Variants in PCDHGB2 observed in about 807,000 individuals in gnomAD.
PCDHGB2 encodes the protein protocadherin gamma-B2.
In PCDHGB2, 55 loss-of-function variants were observed where a neutral mutation model predicts 59.3. The observed-to-expected ratio is 0.93, with a 90% CI of 0.75 to 1.16. The LOEUF is 1.16. Ranked by LOEUF, PCDHGB2 falls within the 50% of genes most tolerant of loss-of-function variation. The probability of loss-of-function intolerance (pLI) is 0.00; values close to 1 mark genes in which losing one functional copy is unlikely to be tolerated. For missense variants in PCDHGB2, 1,228 were observed against 1,198.5 expected, an observed-to-expected ratio of 1.02 and a Z score of -0.36; for synonymous variants, 516 against 512.0, an observed-to-expected ratio of 1.01 and a Z score of -0.11.
chr5:141,419,763 A>T, intron 1 of PCDHGB2: 1 of 1,614,014 alleles, frequency 6.2e-7, no homozygotes, highest in South Asian at 1.1e-5. Flanking sequence ...TTGGGTGACA[A>T]GGACTCGGTC....
chr5:141,366,264 C>T, intron 1 of PCDHGB2: 1 of 1,613,686 alleles, frequency 6.2e-7, no homozygotes, highest in East Asian at 2.2e-5. Flanking sequence ...CTCGTGGTGG[C>T]CGTCGAAGAC....
chr5:141,398,989 T>A lies in PCDHGB2; in HGVS notation c.2421+36433T>A, dbSNP rs766277028. 153 of 1,613,914 alleles carry A rather than the reference T, an allele frequency of 9.5e-5. No individual in the cohort carries two copies. The Middle Eastern group carries it at 3.6e-3, about 38-fold the overall frequency. ...TTCCTTCTACAGAACCGGGCAAATC[T>A]TTAGTCTGAATTCAAAGAGCGGAGA... is the stretch of plus-strand genomic sequence containing the variant. On this transcript the variant is annotated intron_variant, in intron 1 of 3. Coordinates refer to ENST00000522605, the MANE Select transcript of PCDHGB2 (RefSeq NM_018923.3).
At chr5:141,382,093 T>C (rs1420552886) in intron 1 of PCDHGB2, among the ~76,000 whole-genome samples, 1 of 152,090 alleles carries the variant, frequency 6.6e-6, no homozygotes, top group Non-Finnish European at 1.5e-5. Context: ...CCTCACAAAG[T>C]GTGGGATTAC....
Position 141,432,485 on chromosome 5 carries a change from G to C in PCDHGB2, c.2422-62322G>C. 6.2e-7 allele frequency: 1 copy of C among 1,614,186 alleles called. No individual in the cohort carries two copies. The highest frequency in any genetic ancestry group is 8.5e-7 in the Non-Finnish European group (1 of 1,180,040). On this transcript the variant is annotated intron_variant, in intron 1 of 3. Coordinates refer to ENST00000522605, the MANE Select transcript of PCDHGB2 (RefSeq NM_018923.3). The surrounding 1 kb of genome is among the most constrained non-coding windows in gnomAD (Gnocchi z 6.0). ...CCCCACGGACGGTTCCACTGGCGTG[G>C]AGCTGGCTCCCCGCTCCGCAGAGCC...
At chr5:141,447,884 G>A (rs1324802340) in intron 1 of PCDHGB2, among the ~76,000 whole-genome samples, 1 of 152,024 alleles carries the variant, frequency 6.6e-6, no homozygotes, top group Non-Finnish European at 1.5e-5. Context: ...TCAGGAGTTC[G>A]AGACCAGCCT....
chr5:141,375,579 C>T (rs754106042), intron 1 of PCDHGB2: 6 of 1,613,996 alleles, frequency 3.7e-6, no homozygotes, highest in African/African-American at 2.7e-5. Context: ...CTCCAGGGGG[C>T]GCCCCTGTCC....
chr5:141,415,853 G>GTAGTT, intron 1 of PCDHGB2: 1 of 1,186,350 alleles, frequency 8.4e-7, no homozygotes, highest in Non-Finnish European at 1.1e-6. Context: ...GCAGAACCTT[G>GTAGTT]TAGTTTATAG....
rs564367150 is a variant in PCDHGB2 at position 141,464,990 on chromosome 5, C to T, written c.2422-29817C>T. Among the ~76,000 whole-genome samples, 147 of 152,192 alleles carry T rather than the reference C, an allele frequency of 9.7e-4. 1 individual carries two copies. Among genetic ancestry groups the T allele is most frequent in the African/African-American group, 3.5e-3 (144 of 41,536 alleles). On this transcript the variant is annotated intron_variant, in intron 1 of 3. Transcript: ENST00000522605. ...CTACTGGCTTCAAGTGATCCTCCCA[C>T]CTCAGCCTCCCAAAGTGCTAAGATT...
intron 1 of PCDHGB2, chr5:141,388,301 G>C (rs1323976869): frequency 6.2e-7 from 1 of 1,613,606 alleles, no homozygotes; most frequent in African/African-American, 1.3e-5. Context: ...ATTCCTTTGA[G>C]CTGCAAATAA....
At position 141,476,455 on chromosome 5, in the gene PCDHGB2, G is replaced by A. The variant is rs572682842; in HGVS notation, c.2422-18352G>A. The A allele has an allele frequency of 1.2e-6, 2 of 1,614,034 alleles. No individual in the cohort carries two copies. The highest frequency in any genetic ancestry group is 2.2e-5 in the South Asian group (2 of 91,084). ...CTGTAACTCTGGAGTTGGTAGTGGA[G>A]AACCCGCTGGAGCTGTTCAGCGTGG... On this transcript the variant is annotated intron_variant, in intron 1 of 3. Coordinates refer to ENST00000522605, the MANE Select transcript of PCDHGB2 (RefSeq NM_018923.3). This position sits in a 1 kb window ranked among gnomAD's most constrained non-coding sequence, Gnocchi z 7.6.
intron 3 of PCDHGB2, among the ~76,000 whole-genome samples, chr5:141,510,657 G>A (rs1388054630): frequency 6.6e-6 from 1 of 152,156 alleles, no homozygotes; most frequent in Non-Finnish European, 1.5e-5. Context: ...CCATTTTGCA[G>A]ATGAGAAAAC....
chr5:141,479,625 T>C (rs2099501262), intron 1 of PCDHGB2: 1 of 152,228 alleles, frequency 6.6e-6, no homozygotes, highest in Non-Finnish European at 1.5e-5. Flanking sequence ...ACCATGTCTC[T>C]TTAACAATAA....
rs756330109 is a variant in PCDHGB2, at chr5:141,432,621, T to A, written c.2422-62186T>A. ...GAGCCGGGACTCTTCTCGGTGGGTC[T>A]GCACACGGGCGAGGTGCGCACGGCG... On this transcript the variant is annotated intron_variant, in intron 1 of 3. Transcript: ENST00000522605. This position sits in a 1 kb window ranked among gnomAD's most constrained non-coding sequence, Gnocchi z 6.0. The A allele has an allele frequency of 3.1e-6, 5 of 1,612,942 alleles. No homozygotes were observed. Among genetic ancestry groups the A allele is most frequent in the Admixed American group, 1.7e-5 (1 of 59,962 alleles).
chr5:141,365,941 T>C (rs1175439180), intron 1 of PCDHGB2: 15 of 1,614,152 alleles, frequency 9.3e-6, no homozygotes, highest in Non-Finnish European at 1.2e-5. Context: ...CCAGCGACAG[T>C]GGGAACCCTC....
chr5:141,399,332 C>T (rs2093787388), intron 1 of PCDHGB2: 1 of 1,613,994 alleles, frequency 6.2e-7, no homozygotes, highest in Non-Finnish European at 8.5e-7. Flanking sequence ...AAGTTGGTAA[C>T]AGATGGAACC....
At chr5:141,484,672 A>G (rs1253641119) in intron 1 of PCDHGB2, among the ~76,000 whole-genome samples, 1 of 151,990 alleles carries the variant, frequency 6.6e-6, no homozygotes, top group African/African-American at 2.4e-5. Flanking sequence ...AGTGGGCCGC[A>G]GGTTGCTAGG....
intron 1 of PCDHGB2, among the ~76,000 whole-genome samples, chr5:141,449,630 T>C (rs1006977026): frequency 6.7e-6 from 1 of 150,024 alleles, no homozygotes; most frequent in South Asian, 2.1e-4. Flanking sequence ...TTTAAAAAGA[T>C]GTATCTATAT....
chr5:141,454,232 G>T (rs2098784520), intron 1 of PCDHGB2, among the ~76,000 whole-genome samples: 1 of 152,146 alleles, frequency 6.6e-6, no homozygotes, highest in African/African-American at 2.4e-5. Context: ...TAATTGTGAT[G>T]AAAAGGATGA....
In PCDHGB2 at chr5:141,454,796, A is replaced by ATTTTTT. The variant is rs61612330; in HGVS notation, c.2422-39987_2422-39982dup. Among the ~76,000 whole-genome samples the ATTTTTT allele has an allele frequency of 4.9e-3, 381 of 77,456 alleles. 41 individuals carry two copies. The highest frequency in any genetic ancestry group is 0.011 in the African/African-American group (178 of 16,882). 50.8% of individuals were successfully genotyped at this position (77,456 alleles called of 152,430 possible). ...AAGGAAATAATCCTCCATGGTTCTA[A>ATTTTTT]TTTTTTTTTTTTTTTTTTTTTTTTT... On this transcript the variant is annotated intron_variant, in intron 1 of 3. Coordinates refer to ENST00000522605, the MANE Select transcript of PCDHGB2 (RefSeq NM_018923.3).
Sources: allele counts gnomAD v4.1 joint callset (sites outside exome capture counted in the v4.1 genomes callset), GRCh38; gene constraint gnomAD v4.1.1; non-coding constraint Gnocchi (gnomAD v3.1); transcripts MANE v1.5; gene names NCBI Gene and HGNC (gene_info 2026-07-23, HGNC 2026-07-21).